The following ESRRG variants were observed in gnomAD, a reference collection of about 807,000 sequenced individuals.
The protein encoded by ESRRG is estrogen-related receptor gamma.
A neutral mutation model predicts 44.0 loss-of-function variants in ESRRG; 13 were observed. That is an observed-to-expected ratio of 0.30 (90% CI 0.19 to 0.47). The LOEUF is 0.47. Among genes scored for constraint, ESRRG ranks in the 20% least tolerant of loss-of-function variants. ESRRG has a pLI of 1.00. For synonymous variants in ESRRG, 215 were observed against 214.6 expected, an observed-to-expected ratio of 1.00 and a Z score of -0.02; for missense variants, 395 against 580.6, an observed-to-expected ratio of 0.68 and a Z score of 3.29.
chr1:216,860,386 T>C (rs184545349), intron 2 of ESRRG, among the ~76,000 whole-genome samples: 42 of 152,254 alleles, frequency 2.8e-4, no homozygotes, highest in African/African-American at 9.9e-4. Flanking sequence ...TTTATAAGCC[T>C]ACAGATTAGT....
intron 1 of ESRRG, among the ~76,000 whole-genome samples, chr1:217,113,986 T>A (rs534663394): frequency 6.6e-6 from 1 of 151,762 alleles, no homozygotes; most frequent in South Asian, 2.1e-4. Context: ...GAAACAGAGT[T>A]AGACCATGTT....
At chr1:217,039,385 A>G (rs1193629118) in intron 1 of ESRRG, among the ~76,000 whole-genome samples, 2 of 152,198 alleles carry the variant, frequency 1.3e-5, no homozygotes, top group Non-Finnish European at 2.9e-5. Flanking sequence ...CAAAACAAAG[A>G]GGTTTATTAG....
chr1:216,559,139 C>T (rs1420236066), intron 5 of ESRRG, among the ~76,000 whole-genome samples: 2 of 151,890 alleles, frequency 1.3e-5, no homozygotes, highest in African/African-American at 4.8e-5. Flanking sequence ...CAAAGTGTTG[C>T]AATTACTGGC....
At chr1:216,946,219 T>C (rs964153802) in intron 1 of ESRRG, among the ~76,000 whole-genome samples, 1 of 152,120 alleles carries the variant, frequency 6.6e-6, no homozygotes, top group Non-Finnish European at 1.5e-5. Context: ...TCCAAATGAA[T>C]TGTAGAGAGA....
intron 3 of ESRRG, among the ~76,000 whole-genome samples, chr1:216,584,936 C>A (rs6662267): frequency 1.3e-5 from 2 of 152,110 alleles, no homozygotes; most frequent in African/African-American, 2.4e-5. Context: ...AGTATTAAAC[C>A]TTTCAGATGC....
intron 2 of ESRRG, among the ~76,000 whole-genome samples, chr1:216,669,879 C>G (rs1480834825): frequency 6.8e-6 from 1 of 146,254 alleles, no homozygotes; most frequent in African/African-American, 2.6e-5. Context: ...GAAAGAGACT[C>G]TGTCTCAAAA....
At chr1:216,846,685 AT>A (rs2148932275) in intron 2 of ESRRG, among the ~76,000 whole-genome samples, 1 of 152,242 alleles carries the variant, frequency 6.6e-6, no homozygotes, top group South Asian at 2.1e-4. Context: ...TGAAATATCT[AT>A]TATTCATCTT....
intron 2 of ESRRG, among the ~76,000 whole-genome samples, chr1:216,676,531 C>T (rs1201559789): frequency 3.3e-5 from 5 of 152,130 alleles, no homozygotes; most frequent in Non-Finnish European, 7.3e-5. Flanking sequence ...GGACCGGCAG[C>T]ATCATCAGCA....
intron 3 of ESRRG, among the ~76,000 whole-genome samples, chr1:216,608,959 A>G (rs1203883432): frequency 1.3e-5 from 2 of 152,226 alleles, no homozygotes; most frequent in Non-Finnish European, 2.9e-5. Context: ...TCTTCTTTGT[A>G]GCACAGTGGT....
chr1:216,563,977 A>G (rs1173672224), intron 5 of ESRRG, among the ~76,000 whole-genome samples: 1 of 152,224 alleles, frequency 6.6e-6, no homozygotes, highest in East Asian at 1.9e-4. Flanking sequence ...TCGTTAGCTT[A>G]CACTGGCAGT....
At chr1:216,786,772 T>C (rs1439548899) in intron 2 of ESRRG, among the ~76,000 whole-genome samples, 3 of 152,144 alleles carry the variant, frequency 2.0e-5, no homozygotes, top group Non-Finnish European at 4.4e-5. Flanking sequence ...GTAATATTTA[T>C]TGACACACAC....
chr1:216,807,212 C>T (rs556777369), intron 2 of ESRRG, among the ~76,000 whole-genome samples: 204 of 152,206 alleles, frequency 1.3e-3, no homozygotes, highest in African/African-American at 4.7e-3. Context: ...ATTGTTCCAC[C>T]GTCGAATGGC....
chr1:216,631,336 T>G (rs1482043698), intron 3 of ESRRG, among the ~76,000 whole-genome samples: 2 of 152,228 alleles, frequency 1.3e-5, no homozygotes, highest in Non-Finnish European at 2.9e-5. Flanking sequence ...AGGAGAAAGC[T>G]CATCCTTCAA....
intron 6 of ESRRG, among the ~76,000 whole-genome samples, chr1:216,517,386 A>T (rs898646772): frequency 6.6e-6 from 1 of 152,182 alleles, no homozygotes; most frequent in Non-Finnish European, 1.5e-5. Context: ...TAATTAATTC[A>T]GTTACTCTAA....
At chr1:217,136,060 T>G (rs1260606408) in intron 1 of ESRRG, among the ~76,000 whole-genome samples, 4 of 152,158 alleles carry the variant, frequency 2.6e-5, no homozygotes, top group African/African-American at 9.7e-5. Context: ...GGTAAGAATC[T>G]CGCCATTTAT....
At chr1:216,962,481 C>G (rs1469281689) in intron 1 of ESRRG, among the ~76,000 whole-genome samples, 2 of 152,198 alleles carry the variant, frequency 1.3e-5, no homozygotes, top group African/African-American at 4.8e-5. Context: ...ATGAACATTT[C>G]AGGCTACAAA....
chr1:216,903,491 G>A (rs1407888739), intron 2 of ESRRG, among the ~76,000 whole-genome samples: 2 of 151,634 alleles, frequency 1.3e-5, no homozygotes, highest in Admixed American at 1.3e-4. Flanking sequence ...TGGAAAGAAC[G>A]AGATTACAGG....
intron 5 of ESRRG, among the ~76,000 whole-genome samples, chr1:216,533,443 A>C (rs1206510142): frequency 6.6e-6 from 1 of 152,158 alleles, no homozygotes; most frequent in Non-Finnish European, 1.5e-5. Flanking sequence ...TCAGTATACT[A>C]TAGTAGGCAG....
In ESRRG at chr1:216,731,680, G is replaced by C. The variant is rs1412348309; in HGVS notation, c.-13-54189C>G. ...CTATTATGTATCAATTTTAAAAAGA[G>C]TGAGACAAAGAATTCCTTTCCCATT... On this transcript the variant is annotated intron_variant, in intron 2 of 7. Transcript: ENST00000359162. Among the ~76,000 whole-genome samples the C allele has an allele frequency of 2.0e-4, 30 of 152,174 alleles. 1 individual carries two copies. The highest frequency in any genetic ancestry group is 1.5e-5 in the Non-Finnish European group (1 of 68,038).
Sources: gnomAD v4.1 joint callset for allele counts (sites outside exome capture counted in the v4.1 genomes callset) on GRCh38, gnomAD v4.1.1 for gene constraint, MANE v1.5 for transcripts, NCBI Gene and HGNC (gene_info 2026-07-23, HGNC 2026-07-21) for gene names.